Variants in LPIN1 observed in about 807,000 individuals in gnomAD.
LPIN1 encodes the protein phosphatidate phosphatase LPIN1.
A neutral mutation model predicts 107.5 loss-of-function variants in LPIN1; 71 were observed. That is an observed-to-expected ratio of 0.66 (90% CI 0.55 to 0.80). The LOEUF (loss-of-function observed/expected upper bound fraction) is 0.80, where lower values mean the gene tolerates loss of function less well. Ranked by LOEUF, LPIN1 falls within the 30% of genes least tolerant of loss-of-function variation. The pLI, the probability that LPIN1 is intolerant of heterozygous loss-of-function variation, is 0.00. For missense variants in LPIN1, 1,043 were observed against 1,160.6 expected (o/e 0.90, Z 1.47); for synonymous variants, 445 against 452.6 (o/e 0.98, Z 0.21).
intron 14 of LPIN1, among the ~76,000 whole-genome samples, chr2:11,802,365 T>C (rs73189031): frequency 0.021 from 3,139 of 152,326 alleles, 57 homozygotes; most frequent in Middle Eastern, 0.085. Context: ...TATTCCTTGC[T>C]CATGGGATGA....
At chr2:11,704,913 C>T (rs573874287) in intron 1 of LPIN1, among the ~76,000 whole-genome samples, 1 of 152,296 alleles carries the variant, frequency 6.6e-6, no homozygotes, top group Non-Finnish European at 1.5e-5. Flanking sequence ...TGGTCAATGG[C>T]GAGGCCTGGA....
chr2:11,782,005 A>G lies in LPIN1; in HGVS notation c.958-196A>G, dbSNP rs115881880. ...TCTTTGGCAGTTGATGTTTCACAGG[A>G]AAGTTCATTTGCTTTGGACCTAATA... On this transcript the variant is annotated intron_variant, in intron 7 of 20. Transcript: ENST00000674199. Among the ~76,000 whole-genome samples, 765 of 152,336 alleles carry G rather than the reference A, an allele frequency of 5.0e-3. 11 individuals carry two copies. Among genetic ancestry groups the G allele is most frequent in the African/African-American group, 0.018 (740 of 41,576 alleles).
Position 11,771,776 on chromosome 2 carries a change from T to C in LPIN1, c.596+97T>C. 7.6e-7 allele frequency: 1 copy of C among 1,316,132 alleles called. No individual in the cohort carries two copies. Among genetic ancestry groups the C allele is most frequent in the Non-Finnish European group, 1.0e-6 (1 of 954,626 alleles). The allele number at this position is 1,316,132 out of a possible 1,614,324, so 81.5% of individuals were successfully genotyped here. On this transcript the variant is annotated intron_variant, in intron 4 of 20. Coordinates refer to ENST00000674199, the MANE Select transcript of LPIN1 (RefSeq NM_001349206.2). The surrounding 1 kb of genome is among the most constrained non-coding windows in gnomAD (Gnocchi z 4.8). ...CTTTTCCCCCATAATTCCTTATTCT[T>C]TTATGTGTTTTAGACCAGTGGTCCC... is the stretch of plus-strand genomic sequence containing the variant.
chr2:11,716,289 C>T (rs530831799), intron 2 of LPIN1, among the ~76,000 whole-genome samples: 5 of 152,168 alleles, frequency 3.3e-5, no homozygotes, highest in African/African-American at 4.8e-5. Context: ...TCCCGCTGTC[C>T]GCAGAAGGTA....
At chr2:11,733,409 C>A (rs914522082) in intron 1 of LPIN1, among the ~76,000 whole-genome samples, 3 of 152,122 alleles carry the variant, frequency 2.0e-5, no homozygotes, top group African/African-American at 7.2e-5. Context: ...AGTTGGCCTA[C>A]ACAATCATGC....
At chr2:11,773,769 G>C in intron 5 of LPIN1, 24 bp downstream of exon 5, 2 of 1,613,358 alleles carry the variant, frequency 1.2e-6, no homozygotes, top group Non-Finnish European at 1.7e-6. Flanking sequence ...TGTTCCCCTG[G>C]CCCAGTGCAG....
chr2:11,778,197 T>C (rs943579644), intron 6 of LPIN1, among the ~76,000 whole-genome samples: 15 of 152,206 alleles, frequency 9.9e-5, no homozygotes, highest in East Asian at 1.9e-4. Context: ...TGTGTGTCTG[T>C]TGGGAGCAGG....
chr2:11,711,871 G>A (rs974039942), intron 1 of LPIN1, among the ~76,000 whole-genome samples: 4 of 152,212 alleles, frequency 2.6e-5, no homozygotes, highest in African/African-American at 9.7e-5. Context: ...GTAATCCCCA[G>A]TGGTGCACAG....
At chr2:11,746,619 G>C (rs1666960819), upstream of LPIN1, 4 of 985,348 alleles carry the variant, frequency 4.1e-6, no homozygotes, top group Non-Finnish European at 4.8e-6. Context: ...GCTGACAGCC[G>C]GCGGCGGGCT....
chr2:11,696,865 G>C (rs535628283), intron 1 of LPIN1, among the ~76,000 whole-genome samples: 71 of 152,358 alleles, frequency 4.7e-4, no homozygotes, highest in African/African-American at 1.7e-3. Flanking sequence ...TGTCAGCCTC[G>C]AAGTGTCCTG....
At chr2:11,791,397 T>G (rs1413295802) in intron 12 of LPIN1, among the ~76,000 whole-genome samples, 1 of 152,244 alleles carries the variant, frequency 6.6e-6, no homozygotes, top group Non-Finnish European at 1.5e-5. Flanking sequence ...TGAATTTTCT[T>G]TTTAATACTC....
chr2:11,798,016 C>A (rs761155465), intron 14 of LPIN1, among the ~76,000 whole-genome samples: 1 of 152,124 alleles, frequency 6.6e-6, no homozygotes, highest in Admixed American at 6.5e-5. Context: ...CCGCTGTTCT[C>A]GTGATAGGGA....
At chr2:11,745,070 C>T (rs1245030360), upstream of LPIN1, 1 of 152,256 alleles carries the variant, frequency 6.6e-6, no homozygotes, top group Non-Finnish European at 1.5e-5. Flanking sequence ...ATCCAATTCA[C>T]TAAGCTGCCG....
chr2:11,771,621 G>A lies in LPIN1; in HGVS notation c.538G>A (p.Asp180Asn), dbSNP rs376242415. The part of the protein sequence containing the change: ...DDNMNTSEDE[D>N]MFPIEMSSDE... The stretch of plus-strand genomic sequence containing the variant: ...CAACATGAACACATCTGAGGATGAG[G>A]ACATGTTCCCCATCGAGATGAGCTC... Residue 180 changes from aspartate to asparagine, a missense_variant, in exon 4 of 21, where the codon GAC becomes AAC. Asp to Asn is a conservative substitution (Grantham distance 23). Coordinates refer to ENST00000674199, the MANE Select transcript of LPIN1 (RefSeq NM_001349206.2). The surrounding 1 kb of genome is among the most constrained non-coding windows in gnomAD (Gnocchi z 4.8). The A allele has an allele frequency of 6.2e-7, 1 of 1,608,862 alleles. No individual in the cohort carries two copies.
At chr2:11,808,800 G>A (rs1235108715) in intron 17 of LPIN1, among the ~76,000 whole-genome samples, 1 of 151,498 alleles carries the variant, frequency 6.6e-6, no homozygotes, top group Non-Finnish European at 1.5e-5. Context: ...GAACCCTAGA[G>A]GCAGAGGTTG....
chr2:11,777,642 G>A (rs949144976), intron 6 of LPIN1: 5 of 152,156 alleles, frequency 3.3e-5, no homozygotes, highest in African/African-American at 1.2e-4. Context: ...CCACAGCAGC[G>A]AGTGGTTGCG....
chr2:11,682,327 A>G (rs1429939747), intron 1 of LPIN1: 4 of 152,618 alleles, frequency 2.6e-5, no homozygotes, highest in Admixed American at 1.3e-4. Context: ...GCACGAGCAA[A>G]GTCGGTGGTC....
At chr2:11,759,282 A>G (rs1669241762) in intron 1 of LPIN1, among the ~76,000 whole-genome samples, 1 of 151,832 alleles carries the variant, frequency 6.6e-6, no homozygotes, top group Non-Finnish European at 1.5e-5. Context: ...TCAGCAGATA[A>G]ACAAGTGAAC....
At chr2:11,695,022 C>G (rs1662501132) in intron 1 of LPIN1, among the ~76,000 whole-genome samples, 2 of 152,146 alleles carry the variant, frequency 1.3e-5, no homozygotes. Context: ...ACCTGAAAAC[C>G]AAGGCCCCAG....
Sources: allele counts gnomAD v4.1 joint callset (sites outside exome capture counted in the v4.1 genomes callset), GRCh38; gene constraint gnomAD v4.1.1; non-coding constraint Gnocchi (gnomAD v3.1); transcripts MANE v1.5; gene names NCBI Gene and HGNC (gene_info 2026-07-23, HGNC 2026-07-21).